The following LRMDA variants were observed in gnomAD, a reference collection of about 807,000 sequenced individuals.
LRMDA encodes leucine rich melanocyte differentiation associated, also known as leucine-rich melanocyte differentiation-associated protein.
LRMDA carries 18 observed loss-of-function variants against 29.8 expected under a neutral mutation model. That is an observed-to-expected ratio of 0.60 (90% CI 0.42 to 0.90). The LOEUF is 0.90. LRMDA is among the 40% of genes least tolerant of loss of function. The pLI, the probability that LRMDA is intolerant of heterozygous loss-of-function variation, is 0.00. For missense variants in LRMDA, 273 were observed against 273.9 expected (o/e 1.00, Z 0.02); for synonymous variants, 125 against 109.4 (o/e 1.14, Z -0.89).
chr10:75,711,467 G>A (rs1422103697), intron 2 of LRMDA, among the ~76,000 whole-genome samples: 5 of 152,110 alleles, frequency 3.3e-5, no homozygotes, highest in Admixed American at 6.5e-5. Context: ...TTGGAACATT[G>A]TGTAGAAGAA....
At chr10:75,444,676 A>G (rs926120363) in intron 2 of LRMDA, among the ~76,000 whole-genome samples, 3 of 152,168 alleles carry the variant, frequency 2.0e-5, no homozygotes, top group Admixed American at 2.0e-4. Flanking sequence ...ATTGTATTTA[A>G]GATCTTTATT....
At chr10:75,693,959 TTTTG>T (rs1402193602) in intron 2 of LRMDA, among the ~76,000 whole-genome samples, 1 of 152,236 alleles carries the variant, frequency 6.6e-6, no homozygotes, top group African/African-American at 2.4e-5. Flanking sequence ...CCAAAAGCTT[TTTTG>T]TTTGTTTGAA....
At chr10:75,974,146 A>G (rs911839510) in intron 2 of LRMDA, among the ~76,000 whole-genome samples, 1 of 152,076 alleles carries the variant, frequency 6.6e-6, no homozygotes, top group Non-Finnish European at 1.5e-5. Context: ...TTCTTCTGTT[A>G]ATTTCCCCTG....
chr10:75,901,477 CT>C (rs1845671966), intron 2 of LRMDA, among the ~76,000 whole-genome samples: 1 of 152,156 alleles, frequency 6.6e-6, no homozygotes, highest in African/African-American at 2.4e-5. Context: ...ATGTGTGTGT[CT>C]TTGTCACATC....
At chr10:76,175,159 G>A (rs2132198790) in intron 5 of LRMDA, among the ~76,000 whole-genome samples, 1 of 152,242 alleles carries the variant, frequency 6.6e-6, no homozygotes, top group African/African-American at 2.4e-5. Context: ...TCAGAGGTGA[G>A]ACACATAAAG....
intron 6 of LRMDA, among the ~76,000 whole-genome samples, chr10:76,534,534 G>A (rs1843271259): frequency 6.6e-6 from 1 of 152,176 alleles, no homozygotes; most frequent in African/African-American, 2.4e-5. Flanking sequence ...GGCCTTTTGA[G>A]TAAGAAAGAT....
At chr10:76,483,333 C>G (rs1293026250) in intron 6 of LRMDA, among the ~76,000 whole-genome samples, 2 of 151,908 alleles carry the variant, frequency 1.3e-5, no homozygotes, top group Admixed American at 6.6e-5. Flanking sequence ...CAATGACACT[C>G]TGATGGGTAA....
intron 2 of LRMDA, among the ~76,000 whole-genome samples, chr10:75,677,421 G>GT (rs1224328334): frequency 1.3e-5 from 2 of 151,614 alleles, no homozygotes; most frequent in Non-Finnish European, 2.9e-5. Context: ...GATGAATCAG[G>GT]TTTAAAAAAA....
intron 2 of LRMDA, among the ~76,000 whole-genome samples, chr10:75,965,128 G>A (rs74679395): frequency 1.5e-3 from 234 of 152,278 alleles, no homozygotes; most frequent in African/African-American, 5.4e-3. Flanking sequence ...GCCTCTTTAA[G>A]CCTCAGTTTC....
chr10:75,837,627 A>G (rs543840104), intron 2 of LRMDA, among the ~76,000 whole-genome samples: 8 of 152,324 alleles, frequency 5.3e-5, no homozygotes, highest in East Asian at 3.9e-4. Flanking sequence ...TGTTTATAAC[A>G]GAAAGAAAAG....
chr10:75,770,166 G>A (rs997045746), intron 2 of LRMDA, among the ~76,000 whole-genome samples: 2 of 151,304 alleles, frequency 1.3e-5, no homozygotes, highest in African/African-American at 4.9e-5. Context: ...TGGTACACAC[G>A]TGTAGCCCCA....
intron 2 of LRMDA, among the ~76,000 whole-genome samples, chr10:75,886,362 T>A (rs1489525449): frequency 1.3e-5 from 2 of 152,222 alleles, no homozygotes; most frequent in African/African-American, 2.4e-5. Context: ...TGCACACCAG[T>A]CCTGTATGGT....
At chr10:75,858,392 C>T (rs1330935659) in intron 2 of LRMDA, among the ~76,000 whole-genome samples, 1 of 152,186 alleles carries the variant, frequency 6.6e-6, no homozygotes, top group South Asian at 2.1e-4. Context: ...TCTTCTTCCC[C>T]CTCTCCACTA....
At chr10:76,490,254 G>A (rs1428390345) in intron 6 of LRMDA, among the ~76,000 whole-genome samples, 2 of 151,932 alleles carry the variant, frequency 1.3e-5, no homozygotes, top group African/African-American at 4.8e-5. Context: ...AAGAATGTGT[G>A]TTCTGCAGCC....
chr10:76,273,555 C>G (rs866117218), intron 5 of LRMDA, among the ~76,000 whole-genome samples: 7 of 152,232 alleles, frequency 4.6e-5, no homozygotes, highest in Middle Eastern at 3.4e-3. Flanking sequence ...TTTGCCATAC[C>G]TCCATATAAC....
At chr10:76,205,401 A>C (rs536007527) in intron 5 of LRMDA, among the ~76,000 whole-genome samples, 1 of 152,316 alleles carries the variant, frequency 6.6e-6, no homozygotes, top group South Asian at 2.1e-4. Context: ...AGTAATGTGA[A>C]GTAAAGTTTC....
chr10:76,442,149 GCA>G (rs781624931), intron 6 of LRMDA, among the ~76,000 whole-genome samples: 2 of 152,054 alleles, frequency 1.3e-5, no homozygotes, highest in Non-Finnish European at 2.9e-5. Context: ...GTCTAGTTTG[GCA>G]CACAGGGTAA....
At position 76,476,586 on chromosome 10, in the gene LRMDA, A is replaced by C. The variant is rs564392794; in HGVS notation, c.602-80623A>C. ...TCATCCTGATACCAAAGCCTGGCAG[A>C]GACACAATAAAAAAAGAGAATTTTA... On this transcript the variant is annotated intron_variant, in intron 6 of 6. Coordinates refer to ENST00000611255, the MANE Select transcript of LRMDA (RefSeq NM_001305581.2). 6.8e-4 allele frequency among the ~76,000 whole-genome samples: 104 copies of C among 152,288 alleles called. 1 individual carries two copies. The highest frequency in any genetic ancestry group is 9.1e-4 in the African/African-American group (38 of 41,564).
intron 6 of LRMDA, among the ~76,000 whole-genome samples, chr10:76,363,711 AC>A (rs1343336261): frequency 1.3e-5 from 2 of 151,842 alleles, no homozygotes; most frequent in African/African-American, 4.8e-5. Context: ...TGGTATAACA[AC>A]CTTTTTCCAT....
Sources: allele counts gnomAD v4.1 joint callset (sites outside exome capture counted in the v4.1 genomes callset), GRCh38; gene constraint gnomAD v4.1.1; transcripts MANE v1.5; gene names NCBI Gene and HGNC (gene_info 2026-07-23, HGNC 2026-07-21).